SDC2: variants seen among roughly 807,000 people sequenced by gnomAD.
The protein encoded by SDC2 is syndecan 2.
SDC2 carries 13 observed loss-of-function variants against 22.2 expected under a neutral mutation model. The observed-to-expected ratio is 0.59, with a 90% CI of 0.38 to 0.93. The LOEUF (loss-of-function observed/expected upper bound fraction) is 0.93. Among genes scored for constraint, SDC2 ranks in the 40% least tolerant of loss-of-function variants. The probability of loss-of-function intolerance (pLI) is 0.00; values close to 1 mark genes in which losing one functional copy is unlikely to be tolerated. For synonymous variants in SDC2, 94 were observed against 92.8 expected, an observed-to-expected ratio of 1.01 and a Z score of -0.07; for missense variants, 235 against 246.8, an observed-to-expected ratio of 0.95 and a Z score of 0.32.
chr8:96,596,722 T>C (rs1436721390), intron 2 of SDC2, among the ~76,000 whole-genome samples: 1 of 152,204 alleles, frequency 6.6e-6, no homozygotes, highest in Admixed American at 6.5e-5. Context: ...CCTTTCAGTG[T>C]GCAACTAAAT....
chr8:96,585,874 T>G (rs1814678077), intron 1 of SDC2, among the ~76,000 whole-genome samples: 1 of 110,582 alleles, frequency 9.0e-6, no homozygotes, highest in South Asian at 2.9e-4. Flanking sequence ...TTTTTTTTTT[T>G]TTTTGGTTGG....
chr8:96,586,208 A>G (rs998935232), intron 1 of SDC2, among the ~76,000 whole-genome samples: 1 of 152,292 alleles, frequency 6.6e-6, no homozygotes, highest in Admixed American at 6.5e-5. Context: ...CCAGCTTTTT[A>G]AAAAAGAGAC....
chr8:96,532,184 A>G (rs113923509), intron 1 of SDC2, among the ~76,000 whole-genome samples: 4,195 of 152,300 alleles, frequency 0.028, 192 homozygotes, highest in African/African-American at 0.096. Context: ...AATATGATAA[A>G]TAAGTACAGT....
intron 1 of SDC2, among the ~76,000 whole-genome samples, chr8:96,523,694 C>T (rs1388484214): frequency 5.9e-5 from 9 of 152,212 alleles, no homozygotes; most frequent in Admixed American, 3.3e-4. Context: ...TTGGTTTAAA[C>T]GTGCATTTAA....
At chr8:96,563,118 A>G (rs1814238776) in intron 1 of SDC2, among the ~76,000 whole-genome samples, 1 of 152,104 alleles carries the variant, frequency 6.6e-6, no homozygotes, top group African/African-American at 2.4e-5. Flanking sequence ...CAGCGAGGTG[A>G]CTGTGTTGCC....
chr8:96,496,218 C>T (rs939026403), intron 1 of SDC2, among the ~76,000 whole-genome samples: 1 of 152,134 alleles, frequency 6.6e-6, no homozygotes, highest in Non-Finnish European at 1.5e-5. Context: ...CATAAATCTA[C>T]CAGTGCTCCT....
intron 1 of SDC2, among the ~76,000 whole-genome samples, chr8:96,573,782 C>G (rs1814441842): frequency 6.6e-6 from 1 of 152,114 alleles, no homozygotes; most frequent in Non-Finnish European, 1.5e-5. Flanking sequence ...TCTTTCCAAA[C>G]ACAGTTTTGA....
chr8:96,515,750 C>A (rs1164704023), intron 1 of SDC2, among the ~76,000 whole-genome samples: 2 of 152,172 alleles, frequency 1.3e-5, no homozygotes, highest in Admixed American at 1.3e-4. Flanking sequence ...GTATTGTATT[C>A]TGAGGTCCCG....
At chr8:96,538,405 TAA>T (rs35236709) in intron 1 of SDC2, among the ~76,000 whole-genome samples, 1 of 151,924 alleles carries the variant, frequency 6.6e-6, no homozygotes, top group African/African-American at 2.4e-5. Flanking sequence ...GTACTAAAGA[TAA>T]AAAAAAGTTA....
intron 2 of SDC2, among the ~76,000 whole-genome samples, chr8:96,595,204 A>G (rs1019999552): frequency 2.6e-5 from 4 of 152,190 alleles, no homozygotes; most frequent in African/African-American, 9.7e-5. Flanking sequence ...TGTTCGGTAT[A>G]ACTTTTGTGA....
At chr8:96,582,390 A>G (rs1294107215) in intron 1 of SDC2, among the ~76,000 whole-genome samples, 2 of 152,084 alleles carry the variant, frequency 1.3e-5, no homozygotes, top group Admixed American at 6.5e-5. Context: ...TAAAAACCCT[A>G]CCGTTCAGAA....
At chr8:96,556,057 T>C (rs3900831) in intron 1 of SDC2, among the ~76,000 whole-genome samples, 75,005 of 147,422 alleles carry the variant, frequency 0.51, 20,937 homozygotes, top group Non-Finnish European at 0.66. Flanking sequence ...CACACACACA[T>C]ACACACACAC....
chr8:96,568,581 G>A (rs1300756113), intron 1 of SDC2, among the ~76,000 whole-genome samples: 2 of 152,192 alleles, frequency 1.3e-5, no homozygotes, highest in African/African-American at 4.8e-5. Flanking sequence ...TGATTTATAG[G>A]TAGAAATAAA....
chr8:96,498,230 A>C (rs1214004003), intron 1 of SDC2, among the ~76,000 whole-genome samples: 1 of 152,208 alleles, frequency 6.6e-6, no homozygotes, highest in Non-Finnish European at 1.5e-5. Context: ...CAAACCAGGC[A>C]GATATCCCCC....
At chr8:96,603,782 C>T (rs1373266486) in intron 3 of SDC2, among the ~76,000 whole-genome samples, 1 of 152,128 alleles carries the variant, frequency 6.6e-6, no homozygotes, top group East Asian at 1.9e-4. Context: ...AATTGAAGTG[C>T]TTTCTGTAGG....
chr8:96,539,582 C>T (rs1326445483), intron 1 of SDC2, among the ~76,000 whole-genome samples: 6 of 152,186 alleles, frequency 3.9e-5, no homozygotes, highest in Non-Finnish European at 8.8e-5. Context: ...ATTTGCTTGC[C>T]TAGCACTATG....
intron 1 of SDC2, among the ~76,000 whole-genome samples, chr8:96,539,554 G>A (rs954505458): frequency 2.3e-4 from 35 of 152,172 alleles, no homozygotes; most frequent in African/African-American, 8.2e-4. Flanking sequence ...CTAAATGAGC[G>A]TGTTAAGTAT....
chr8:96,547,556 T>A (rs536108188), intron 1 of SDC2, among the ~76,000 whole-genome samples: 60 of 152,308 alleles, frequency 3.9e-4, no homozygotes, highest in African/African-American at 1.3e-3. Flanking sequence ...GATGCTAGTG[T>A]GCACGCTTCC....
intron 3 of SDC2, among the ~76,000 whole-genome samples, chr8:96,604,452 A>G (rs1419273353): frequency 6.6e-6 from 1 of 152,238 alleles, no homozygotes; most frequent in African/African-American, 2.4e-5. Context: ...GCTATTCATT[A>G]TGTGTCGAAC....
Sources: gnomAD v4.1 joint callset for allele counts (sites outside exome capture counted in the v4.1 genomes callset) on GRCh38, gnomAD v4.1.1 for gene constraint, MANE v1.5 for transcripts, NCBI Gene and HGNC (gene_info 2026-07-23, HGNC 2026-07-21) for gene names.